Variants in FAM107B observed in about 807,000 individuals in gnomAD.
The protein encoded by FAM107B is family with sequence similarity 107 member B, also known as protein FAM107B.
A neutral mutation model predicts 31.5 loss-of-function variants in FAM107B; 21 were observed. That is an observed-to-expected ratio of 0.67 (90% CI 0.47 to 0.96). FAM107B has a LOEUF of 0.96. Among genes scored for constraint, FAM107B ranks in the 40% least tolerant of loss-of-function variants. FAM107B has a pLI of 0.00. For synonymous variants in FAM107B, 157 were observed against 141.5 expected (o/e 1.11, Z -0.78); for missense variants, 452 against 377.1 (o/e 1.20, Z -1.64).
intron 2 of FAM107B, among the ~76,000 whole-genome samples, chr10:14,656,691 A>T (rs1330644287): frequency 1.3e-5 from 2 of 152,360 alleles, no homozygotes; most frequent in Middle Eastern, 6.8e-3. Flanking sequence ...CTCCTTCTCT[A>T]AGAAATTTTT....
intron 2 of FAM107B, among the ~76,000 whole-genome samples, chr10:14,583,588 T>C (rs1851726042): frequency 6.6e-6 from 1 of 152,074 alleles, no homozygotes; most frequent in African/African-American, 2.4e-5. Context: ...GTCGCGGAAG[T>C]TGTGGCCAGA....
intron 1 of FAM107B, among the ~76,000 whole-genome samples, chr10:14,710,240 G>A (rs550275099): frequency 6.9e-4 from 105 of 152,010 alleles, no homozygotes; most frequent in Non-Finnish European, 1.3e-3. Context: ...AAATAATAAA[G>A]TCTATTCATT....
chr10:14,615,529 C>G (rs1852829193), intron 2 of FAM107B, among the ~76,000 whole-genome samples: 1 of 152,180 alleles, frequency 6.6e-6, no homozygotes. Context: ...TCATGATGTT[C>G]CCTCTGGCAG....
At chr10:14,526,045 C>T (rs111787797) in intron 3 of FAM107B, among the ~76,000 whole-genome samples, 206 of 152,316 alleles carry the variant, frequency 1.4e-3, no homozygotes, top group African/African-American at 4.7e-3. Flanking sequence ...TTACCTGGGA[C>T]AGCATTCATC....
chr10:14,521,735 ACATTTGTC>A, intron 4 of FAM107B, 126 bp downstream of exon 4: 1 of 1,320,122 alleles, frequency 7.6e-7, no homozygotes, highest in Non-Finnish European at 1.0e-6. Context: ...CCATTTGCTG[ACATTTGTC>A]TCCAATATTT....
chr10:14,680,108 C>A (rs61845076), intron 1 of FAM107B, among the ~76,000 whole-genome samples: 1 of 152,130 alleles, frequency 6.6e-6, no homozygotes. Flanking sequence ...ACACAGATTT[C>A]GGTATCAGGA....
chr10:14,551,589 C>CT (rs35049608), intron 2 of FAM107B, among the ~76,000 whole-genome samples: 68,542 of 143,806 alleles, frequency 0.48, 16,051 homozygotes, highest in South Asian at 0.61. Context: ...CACTATTTTC[C>CT]TTTTTTTTTT....
At chr10:14,585,932 G>A (rs954344797) in intron 2 of FAM107B, among the ~76,000 whole-genome samples, 2 of 152,114 alleles carry the variant, frequency 1.3e-5, no homozygotes, top group African/African-American at 2.4e-5. Context: ...AAACCAAACA[G>A]GAAATGCACT....
At chr10:14,726,244 C>T (rs900141766) in intron 1 of FAM107B, among the ~76,000 whole-genome samples, 1 of 152,174 alleles carries the variant, frequency 6.6e-6, no homozygotes. Context: ...CTGCCTGCCT[C>T]GGCCTCCCAA....
At chr10:14,701,740 T>C (rs1457706427) in intron 1 of FAM107B, among the ~76,000 whole-genome samples, 2 of 150,580 alleles carry the variant, frequency 1.3e-5, no homozygotes, top group Non-Finnish European at 3.0e-5. Context: ...ACAAAAAGCA[T>C]GGCGGACAGA....
At chr10:14,590,466 C>T (rs1851978576) in intron 2 of FAM107B, among the ~76,000 whole-genome samples, 1 of 152,196 alleles carries the variant, frequency 6.6e-6, no homozygotes, top group South Asian at 2.1e-4. Context: ...CAATATATTT[C>T]CATTCTGGTA....
At chr10:14,763,271 C>T (rs569391215) in intron 1 of FAM107B, among the ~76,000 whole-genome samples, 5 of 152,176 alleles carry the variant, frequency 3.3e-5, no homozygotes, top group South Asian at 4.2e-4. Context: ...AAAATAAAAA[C>T]GTAAATAATA....
intron 1 of FAM107B, among the ~76,000 whole-genome samples, chr10:14,676,749 G>A (rs1467927530): frequency 6.6e-6 from 1 of 152,196 alleles, no homozygotes; most frequent in African/African-American, 2.4e-5. Flanking sequence ...AACCCTCTGT[G>A]CAAGTAATCT....
At chr10:14,628,848 T>G (rs1853245243) in intron 2 of FAM107B, among the ~76,000 whole-genome samples, 1 of 152,048 alleles carries the variant, frequency 6.6e-6, no homozygotes, top group Non-Finnish European at 1.5e-5. Flanking sequence ...GCCTGGGCAA[T>G]ACAGCAAGAC....
chr10:14,611,404 G>A (rs977151300), intron 2 of FAM107B, among the ~76,000 whole-genome samples: 2 of 147,552 alleles, frequency 1.4e-5, no homozygotes, highest in African/African-American at 2.5e-5. Context: ...TCTGATATTC[G>A]CTCTAGATAC....
chr10:14,669,768 A>C (rs1473812453), intron 1 of FAM107B, among the ~76,000 whole-genome samples: 1 of 152,238 alleles, frequency 6.6e-6, no homozygotes, highest in East Asian at 1.9e-4. Flanking sequence ...TAGTTACCAG[A>C]GTCAGGAAAG....
At chr10:14,715,218 AAGG>A (rs1190479997) in intron 1 of FAM107B, among the ~76,000 whole-genome samples, 1 of 152,202 alleles carries the variant, frequency 6.6e-6, no homozygotes, top group East Asian at 1.9e-4. Flanking sequence ...TTCTGAGAGG[AAGG>A]AGAAGATTCC....
At chr10:14,604,293 GCGGCGGCGCCCAGCGGCCCGACTGCT>G in intron 2 of FAM107B, 13 of 978,708 alleles carry the variant, frequency 1.3e-5, no homozygotes, top group South Asian at 9.3e-5. Flanking sequence ...CCCGGCGCCC[GCGGCGGCGCCCAGCGGCCCGACTGCT>G]CGGCGGCGGC....
chr10:14,750,334 G>A (rs1031042264), intron 1 of FAM107B, among the ~76,000 whole-genome samples: 1 of 152,174 alleles, frequency 6.6e-6, no homozygotes, highest in African/African-American at 2.4e-5. Flanking sequence ...ACTGCAAGCC[G>A]AGCATGGTGG....
Sources: gnomAD v4.1 joint callset for allele counts (sites outside exome capture counted in the v4.1 genomes callset) on GRCh38, gnomAD v4.1.1 for gene constraint, MANE v1.5 for transcripts, NCBI Gene and HGNC (gene_info 2026-07-23, HGNC 2026-07-21) for gene names.